Variants in KCNT2 observed in about 807,000 individuals in gnomAD.
KCNT2 encodes the protein potassium sodium-activated channel subfamily T member 2.
A neutral mutation model predicts 153.8 loss-of-function variants in KCNT2; 67 were observed. That is an observed-to-expected ratio of 0.44 (90% CI 0.36 to 0.53). KCNT2 has a LOEUF of 0.53. Among genes scored for constraint, KCNT2 ranks in the 20% least tolerant of loss-of-function variants. The pLI is 0.00. For synonymous variants in KCNT2, 500 were observed against 458.8 expected (o/e 1.09, Z -1.15); for missense variants, 975 against 1,354.8 (o/e 0.72, Z 4.40).
At chr1:196,585,376 G>C (rs975575073) in intron 1 of KCNT2, among the ~76,000 whole-genome samples, 2 of 152,082 alleles carry the variant, frequency 1.3e-5, no homozygotes, top group East Asian at 3.9e-4. Context: ...AATAAACTGT[G>C]AAGAGAGGAA....
At chr1:196,441,013 A>C (rs77984731) in intron 8 of KCNT2, among the ~76,000 whole-genome samples, 178 of 152,004 alleles carry the variant, frequency 1.2e-3, no homozygotes, top group African/African-American at 4.1e-3. Flanking sequence ...CTCAGAAAGA[A>C]GCTGGGAGAA....
At chr1:196,479,117 A>G in intron 5 of KCNT2, 62 bp downstream of exon 5, 1 of 1,080,540 alleles carries the variant, frequency 9.3e-7, no homozygotes, top group Non-Finnish European at 1.4e-6. Context: ...AAATAGAGGA[A>G]TACTGAGTAA....
intron 13 of KCNT2, among the ~76,000 whole-genome samples, chr1:196,383,303 A>C (rs1391455630): frequency 6.6e-6 from 1 of 152,168 alleles, no homozygotes; most frequent in Non-Finnish European, 1.5e-5. Context: ...ATATAGCCCA[A>C]ACTATGTATA....
At position 196,226,561 on chromosome 1, in the gene KCNT2, C is replaced by T. The variant is rs1653506362; in HGVS notation, c.*1663G>A. 1.3e-5 allele frequency: 2 copies of T among 151,752 alleles called. No homozygotes were observed. Among genetic ancestry groups the T allele is most frequent in the Admixed American group, 1.3e-4 (2 of 15,252 alleles). 9.4% of individuals were successfully genotyped at this position (151,752 alleles called of 1,614,324 possible). ...TGTTTTAGGGGTAATTCTTGGTGTT[C>T]TTGTTATTCTAAAATGTGAATAATG... On this transcript the variant is annotated 3_prime_UTR_variant, in exon 28 of 28. Transcript: ENST00000294725.
chr1:196,370,174 A>T (rs946081118), intron 14 of KCNT2, among the ~76,000 whole-genome samples: 5 of 152,134 alleles, frequency 3.3e-5, no homozygotes, highest in African/African-American at 1.2e-4. Flanking sequence ...TTTCATTGAG[A>T]ATAAACTTAT....
At chr1:196,333,036 C>T (rs984273610) in intron 17 of KCNT2, among the ~76,000 whole-genome samples, 1 of 151,756 alleles carries the variant, frequency 6.6e-6, no homozygotes, top group Admixed American at 6.6e-5. Flanking sequence ...ATGATCCTGC[C>T]ATCTCGGCCT....
chr1:196,297,806 T>C (rs573995928), intron 22 of KCNT2, among the ~76,000 whole-genome samples: 1 of 152,280 alleles, frequency 6.6e-6, no homozygotes, highest in East Asian at 1.9e-4. Flanking sequence ...GCTTAAGTTG[T>C]CTGGACAGAA....
intron 12 of KCNT2, among the ~76,000 whole-genome samples, chr1:196,412,958 A>G (rs1672461260): frequency 6.6e-6 from 1 of 151,672 alleles, no homozygotes; most frequent in Non-Finnish European, 1.5e-5. Flanking sequence ...AAGCCAAAGG[A>G]AAAAAGAGGT....
chr1:196,359,876 A>G (rs1476762132), intron 14 of KCNT2, among the ~76,000 whole-genome samples: 1 of 152,012 alleles, frequency 6.6e-6, no homozygotes, highest in Non-Finnish European at 1.5e-5. Context: ...AAGAGAATCA[A>G]GAGATAAGGA....
chr1:196,606,139 G>T (rs1324536936), intron 1 of KCNT2, among the ~76,000 whole-genome samples: 3 of 152,200 alleles, frequency 2.0e-5, no homozygotes, highest in Non-Finnish European at 4.4e-5. Flanking sequence ...CTAAATGTTA[G>T]TTCTGCGCCT....
At position 196,500,466 on chromosome 1, in the gene KCNT2, G is replaced by T. The variant is rs186184353; in HGVS notation, c.96-8125C>A. Among the ~76,000 whole-genome samples the T allele has an allele frequency of 3.5e-3, 533 of 152,220 alleles. 5 individuals are homozygous for T. Among genetic ancestry groups the T allele is most frequent in the South Asian group, 0.017 (82 of 4,824 alleles). On this transcript the variant is annotated intron_variant, in intron 1 of 27. Coordinates refer to ENST00000294725, the MANE Select transcript of KCNT2 (RefSeq NM_198503.5). ...TTCTTAGCAAGTTGAGAATTTATTG[G>T]TAGTAGGAGAATTCTAGAACATTTG...
At chr1:196,578,810 C>A (rs1661678945) in intron 1 of KCNT2, among the ~76,000 whole-genome samples, 1 of 151,940 alleles carries the variant, frequency 6.6e-6, no homozygotes, top group South Asian at 2.1e-4. Flanking sequence ...CAAATCCTGT[C>A]GATTCATAAA....
chr1:196,423,362 A>T (rs1673376264), intron 11 of KCNT2, among the ~76,000 whole-genome samples: 1 of 151,892 alleles, frequency 6.6e-6, no homozygotes, highest in South Asian at 2.1e-4. Context: ...TAAAAGCCAA[A>T]TGTTATTTCT....
At chr1:196,386,772 G>T (rs978222174) in intron 13 of KCNT2, among the ~76,000 whole-genome samples, 3 of 152,012 alleles carry the variant, frequency 2.0e-5, no homozygotes, top group African/African-American at 7.2e-5. Context: ...GCTATTGACA[G>T]ATTTATCAAT....
rs186183491 is a variant in KCNT2, at chr1:196,267,730, G to A, written c.2911-9236C>T. Among the ~76,000 whole-genome samples, 411 of 152,190 alleles carry A rather than the reference G, an allele frequency of 2.7e-3. 2 individuals are homozygous for A. The highest frequency in any genetic ancestry group is 9.3e-3 in the African/African-American group (388 of 41,542). ...GCTCTACTGAAATCAGATGCCCTGCGCTCAGGACTGTGCACTCAGTGGTCC... is the reference window on the plus strand; with the variant it reads ...GCTCTACTGAAATCAGATGCCCTGCACTCAGGACTGTGCACTCAGTGGTCC... On this transcript the variant is annotated intron_variant, in intron 25 of 27. Coordinates refer to ENST00000294725, the MANE Select transcript of KCNT2 (RefSeq NM_198503.5).
chr1:196,425,409 T>G (rs1463255055), intron 11 of KCNT2, among the ~76,000 whole-genome samples: 4 of 152,006 alleles, frequency 2.6e-5, no homozygotes, highest in Non-Finnish European at 5.9e-5. Flanking sequence ...GTCCAATACA[T>G]AGTGCAAGCT....
intron 8 of KCNT2, among the ~76,000 whole-genome samples, chr1:196,452,197 G>T (rs1676274580): frequency 6.6e-6 from 1 of 151,942 alleles, no homozygotes; most frequent in Non-Finnish European, 1.5e-5. Context: ...GGCACGTAAA[G>T]CTTTTCATGT....
At chr1:196,567,188 C>G (rs1210207743) in intron 1 of KCNT2, among the ~76,000 whole-genome samples, 1 of 152,044 alleles carries the variant, frequency 6.6e-6, no homozygotes, top group South Asian at 2.1e-4. Context: ...ATATCTCTCA[C>G]TCCTCCTCTA....
chr1:196,542,122 T>C (rs1656462320), intron 1 of KCNT2, among the ~76,000 whole-genome samples: 1 of 152,090 alleles, frequency 6.6e-6, no homozygotes, highest in African/African-American at 2.4e-5. Context: ...ACAATATTTA[T>C]CATTTAAAAA....
Sources: gnomAD v4.1 joint callset for allele counts (sites outside exome capture counted in the v4.1 genomes callset) on GRCh38, gnomAD v4.1.1 for gene constraint, MANE v1.5 for transcripts, NCBI Gene and HGNC (gene_info 2026-07-23, HGNC 2026-07-21) for gene names.